PRKN: variants seen among roughly 807,000 people sequenced by gnomAD.
The protein encoded by PRKN is E3 ubiquitin-protein ligase parkin.
In PRKN, 56 loss-of-function variants were observed where a neutral mutation model predicts 59.5. The observed-to-expected ratio is 0.94, with a 90% CI of 0.76 to 1.18. The LOEUF is 1.18. Ranked by LOEUF, PRKN falls within the 50% of genes most tolerant of loss-of-function variation. PRKN has a pLI of 0.00. For synonymous variants in PRKN, 250 were observed against 222.1 expected (o/e 1.13, Z -1.12); for missense variants, 657 against 596.4 (o/e 1.10, Z -1.06).
At chr6:162,404,120 C>T (rs1787941975) in intron 2 of PRKN, among the ~76,000 whole-genome samples, 1 of 151,962 alleles carries the variant, frequency 6.6e-6, no homozygotes, top group South Asian at 2.1e-4. Context: ...GCCTGTAATC[C>T]CAGCACTTTG....
chr6:162,528,139 G>A (rs185781453), intron 1 of PRKN, among the ~76,000 whole-genome samples: 69 of 151,972 alleles, frequency 4.5e-4, no homozygotes, highest in African/African-American at 1.5e-3. Flanking sequence ...TGGCTAACAC[G>A]GTGAAACCCT....
At chr6:161,608,842 G>T (rs1464979574) in intron 7 of PRKN, among the ~76,000 whole-genome samples, 1 of 151,976 alleles carries the variant, frequency 6.6e-6, no homozygotes, top group Non-Finnish European at 1.5e-5. Flanking sequence ...ACCCAGCCTA[G>T]AATTTTTTAT....
At chr6:161,863,890 T>C (rs553999563) in intron 6 of PRKN, among the ~76,000 whole-genome samples, 108 of 152,374 alleles carry the variant, frequency 7.1e-4, no homozygotes, top group Admixed American at 1.2e-3. Flanking sequence ...GCCATAGTCA[T>C]ATTAAGTGTA....
intron 5 of PRKN, among the ~76,000 whole-genome samples, chr6:162,029,182 C>A (rs1783548343): frequency 6.6e-6 from 1 of 152,092 alleles, no homozygotes; most frequent in South Asian, 2.1e-4. Flanking sequence ...AACAAACCCA[C>A]CCACCTCCAC....
intron 6 of PRKN, among the ~76,000 whole-genome samples, chr6:161,815,387 T>A (rs911714649): frequency 6.6e-6 from 1 of 152,216 alleles, no homozygotes; most frequent in African/African-American, 2.4e-5. Flanking sequence ...AAAGTTACCA[T>A]TCTTTTGTGG....
At chr6:162,432,709 A>G (rs936292693) in intron 2 of PRKN, among the ~76,000 whole-genome samples, 2 of 152,272 alleles carry the variant, frequency 1.3e-5, no homozygotes, top group African/African-American at 2.4e-5. Flanking sequence ...CAAAAATATA[A>G]CTATTTAAGT....
intron 1 of PRKN, among the ~76,000 whole-genome samples, chr6:162,713,078 G>A (rs903162276): frequency 3.9e-5 from 6 of 152,212 alleles, no homozygotes; most frequent in African/African-American, 1.4e-4. Context: ...AATAAGAAGT[G>A]CTACTAGACA....
intron 4 of PRKN, among the ~76,000 whole-genome samples, chr6:162,161,732 G>A (rs918141054): frequency 2.6e-5 from 4 of 152,096 alleles, no homozygotes; most frequent in Non-Finnish European, 5.9e-5. Flanking sequence ...CAATGCCTGG[G>A]CCGTTCACCT....
At chr6:161,787,684 C>T (rs552937461) in intron 6 of PRKN, among the ~76,000 whole-genome samples, 9 of 152,338 alleles carry the variant, frequency 5.9e-5, no homozygotes, top group East Asian at 1.9e-4. Flanking sequence ...TGGTGGCTCA[C>T]GCCTGTAATC....
intron 2 of PRKN, among the ~76,000 whole-genome samples, chr6:162,358,547 T>G (rs1784976800): frequency 6.6e-6 from 1 of 152,184 alleles, no homozygotes; most frequent in African/African-American, 2.4e-5. Context: ...AGAACTTATT[T>G]TTGGTTTCTT....
chr6:161,443,110 C>T (rs771151732), intron 9 of PRKN, among the ~76,000 whole-genome samples: 10 of 152,038 alleles, frequency 6.6e-5, no homozygotes, highest in Non-Finnish European at 1.3e-4. Flanking sequence ...GAGTTCGAGG[C>T]CAGCCTGACC....
intron 10 of PRKN, among the ~76,000 whole-genome samples, chr6:161,374,181 C>T (rs1418674550): frequency 1.3e-5 from 2 of 151,612 alleles, no homozygotes; most frequent in African/African-American, 2.4e-5. Flanking sequence ...ATGTGAGTGG[C>T]GAGTGTGTGC....
intron 6 of PRKN, among the ~76,000 whole-genome samples, chr6:161,936,998 T>C (rs761400848): frequency 5.9e-5 from 9 of 151,918 alleles, no homozygotes; most frequent in Non-Finnish European, 1.2e-4. Context: ...GCTGGCCAGG[T>C]TGGTCATGAA....
chr6:162,249,846 C>CG (rs1779349824), intron 3 of PRKN, among the ~76,000 whole-genome samples: 10 of 151,836 alleles, frequency 6.6e-5, no homozygotes, highest in Admixed American at 4.6e-4. Flanking sequence ...CAAAACAAAA[C>CG]AAAACGAAAC....
Position 161,543,300 on chromosome 6 carries a change from G to A in PRKN, c.1083+5554C>T, listed in dbSNP as rs141825162. On this transcript the variant is annotated intron_variant, in intron 9 of 11. Coordinates refer to ENST00000366898, the MANE Select transcript of PRKN (RefSeq NM_004562.3). ...CCATTTTCACCAAAAACATATACAC[G>A]TTTCTTTGCACGAAGTAGGTCATAT... is the stretch of plus-strand genomic sequence containing the variant. 5.8e-3 allele frequency among the ~76,000 whole-genome samples: 888 copies of A among 152,240 alleles called. 13 individuals carry two copies. The highest frequency in any genetic ancestry group is 0.02 in the African/African-American group (826 of 41,526).
At chr6:161,976,055 G>A (rs59797645) in intron 5 of PRKN, among the ~76,000 whole-genome samples, 20,130 of 151,960 alleles carry the variant, frequency 0.13, 1,421 homozygotes, top group South Asian at 0.24. Flanking sequence ...ACAGGCACCC[G>A]CCATCATGCC....
rs78703859 is a variant in PRKN, at chr6:162,359,986, G to A, written c.171+83324C>T. 4.6e-3 allele frequency among the ~76,000 whole-genome samples: 700 copies of A among 151,886 alleles called. 7 individuals carry two copies. Among genetic ancestry groups the A allele is most frequent in the African/African-American group, 0.014 (582 of 41,402 alleles). On this transcript the variant is annotated intron_variant, in intron 2 of 11. Coordinates refer to ENST00000366898, the MANE Select transcript of PRKN (RefSeq NM_004562.3). ...TGTTTTCTAAACTGTCTCAGTTCTC[G>A]TCCCATGTCATACAATATTTTATAA...
chr6:162,324,853 G>C (rs1000125059), intron 2 of PRKN, among the ~76,000 whole-genome samples: 1 of 152,008 alleles, frequency 6.6e-6, no homozygotes. Flanking sequence ...TGACAAAAAT[G>C]TCTCACATGA....
rs1344706603 is a variant in PRKN, at chr6:161,428,978, C to A, written c.1084-42101G>T. ...CCCTAAGACTGGAAGGCTGGCAGAC[C>A]AGCTCAGGTCAGCTGGTTCAAGAAG... On this transcript the variant is annotated intron_variant, in intron 9 of 11. Transcript: ENST00000366898. This position sits in a 1 kb window ranked among gnomAD's most constrained non-coding sequence, Gnocchi z 4.0. Among the ~76,000 whole-genome samples the A allele has an allele frequency of 1.3e-5, 2 of 152,132 alleles. No homozygotes were observed. The highest frequency in any genetic ancestry group is 1.3e-4 in the Admixed American group (2 of 15,272).
Sources: gnomAD v4.1 joint callset for allele counts (sites outside exome capture counted in the v4.1 genomes callset) on GRCh38, gnomAD v4.1.1 for gene constraint, Gnocchi (gnomAD v3.1) non-coding constraint, MANE v1.5 for transcripts, NCBI Gene and HGNC (gene_info 2026-07-23, HGNC 2026-07-21) for gene names.